NCALD: variants seen among roughly 807,000 people sequenced by gnomAD.
The protein encoded by NCALD is neurocalcin-delta.
NCALD carries 10 observed loss-of-function variants against 18.6 expected under a neutral mutation model. That is an observed-to-expected ratio of 0.54 (90% confidence interval 0.33 to 0.91). The LOEUF (loss-of-function observed/expected upper bound fraction) is 0.91, where lower values mean the gene tolerates loss of function less well. Among genes scored for constraint, NCALD ranks in the 40% least tolerant of loss-of-function variants. The probability of loss-of-function intolerance (pLI) is 0.03; values close to 1 mark genes in which losing one functional copy is unlikely to be tolerated. For synonymous variants in NCALD, 88 were observed against 87.4 expected, an observed-to-expected ratio of 1.01 and a Z score of -0.04; for missense variants, 184 against 247.6, an observed-to-expected ratio of 0.74 and a Z score of 1.72.
intron 1 of NCALD, among the ~76,000 whole-genome samples, chr8:101,760,632 C>G (rs1818345950): frequency 6.6e-6 from 1 of 152,214 alleles, no homozygotes; most frequent in Non-Finnish European, 1.5e-5. Flanking sequence ...CTGTTTCTGT[C>G]AAGTCCATAC....
At chr8:102,069,120 C>G (rs1419641227) in intron 1 of NCALD, among the ~76,000 whole-genome samples, 1 of 151,750 alleles carries the variant, frequency 6.6e-6, no homozygotes, top group Non-Finnish European at 1.5e-5. Context: ...GGATCGATTG[C>G]ACAGTATGGC....
intron 2 of NCALD, among the ~76,000 whole-genome samples, chr8:101,701,501 C>A (rs1815264977): frequency 2.6e-5 from 4 of 152,166 alleles, no homozygotes; most frequent in Admixed American, 2.6e-4. Flanking sequence ...AGACAGCTCC[C>A]CAGTGTGACC....
intron 4 of NCALD, among the ~76,000 whole-genome samples, chr8:101,799,727 A>G (rs992661424): frequency 6.6e-6 from 1 of 152,240 alleles, no homozygotes; most frequent in African/African-American, 2.4e-5. Flanking sequence ...TGACAAAATT[A>G]TCGAAATAAA....
At chr8:101,961,110 G>C (rs771190794) in intron 2 of NCALD, among the ~76,000 whole-genome samples, 1 of 152,048 alleles carries the variant, frequency 6.6e-6, no homozygotes, top group Non-Finnish European at 1.5e-5. Flanking sequence ...CTAGTACCTC[G>C]GACAGTGGCT....
At chr8:101,764,009 CACACA>C (rs1811236456) in intron 1 of NCALD, among the ~76,000 whole-genome samples, 2 of 78,912 alleles carry the variant, frequency 2.5e-5, no homozygotes, top group African/African-American at 9.5e-5. Context: ...CACACACACA[CACACA>C]CCCCCTATTG....
intron 1 of NCALD, among the ~76,000 whole-genome samples, chr8:101,769,598 C>T (rs939942304): frequency 6.6e-6 from 1 of 151,770 alleles, no homozygotes; most frequent in Non-Finnish European, 1.5e-5. Flanking sequence ...AGTAAATGCA[C>T]ATTTATTTTC....
chr8:101,957,688 T>C (rs1819687741), intron 2 of NCALD, among the ~76,000 whole-genome samples: 1 of 152,106 alleles, frequency 6.6e-6, no homozygotes, highest in African/African-American at 2.4e-5. Flanking sequence ...AGGAGTCCAA[T>C]GCTAAGGCCT....
chr8:101,861,718 G>T (rs890488200), intron 4 of NCALD, among the ~76,000 whole-genome samples: 2 of 152,104 alleles, frequency 1.3e-5, no homozygotes, highest in African/African-American at 4.8e-5. Flanking sequence ...GGTTTCTATT[G>T]TGTTCTCTCA....
intron 4 of NCALD, among the ~76,000 whole-genome samples, chr8:101,819,218 T>C (rs1813618975): frequency 6.6e-6 from 1 of 151,910 alleles, no homozygotes; most frequent in Non-Finnish European, 1.5e-5. Context: ...CCCACAGGCT[T>C]GTCAGCACTA....
At chr8:101,732,756 G>A (rs115942838) in intron 1 of NCALD, among the ~76,000 whole-genome samples, 5,067 of 151,716 alleles carry the variant, frequency 0.033, 265 homozygotes, top group East Asian at 0.11. Context: ...GGCATACGCC[G>A]CCACACCCGG....
chr8:102,075,874 C>T (rs1028118451), intron 1 of NCALD, among the ~76,000 whole-genome samples: 2 of 151,686 alleles, frequency 1.3e-5, no homozygotes, highest in Non-Finnish European at 2.9e-5. Context: ...ATTGCTTGAA[C>T]CAGGGAGGCA....
At chr8:101,901,283 A>T (rs1193747253) in intron 3 of NCALD, among the ~76,000 whole-genome samples, 1 of 150,876 alleles carries the variant, frequency 6.6e-6, no homozygotes, top group Non-Finnish European at 1.5e-5. Flanking sequence ...GGGGTTTTTT[A>T]AAAATCCATC....
At chr8:101,984,705 C>T (rs530449321) in intron 2 of NCALD, among the ~76,000 whole-genome samples, 9 of 152,242 alleles carry the variant, frequency 5.9e-5, no homozygotes, top group East Asian at 1.9e-4. Flanking sequence ...TTGAAGCAAG[C>T]GGAGTACAGC....
At chr8:102,013,701 T>G (rs1334386999) in intron 2 of NCALD, among the ~76,000 whole-genome samples, 1 of 152,190 alleles carries the variant, frequency 6.6e-6, no homozygotes, top group Non-Finnish European at 1.5e-5. Flanking sequence ...TGTTTTGACT[T>G]CATGTCTCTC....
chr8:101,791,960 C>T (rs143378525), upstream of NCALD, among the ~76,000 whole-genome samples: 11 of 152,258 alleles, frequency 7.2e-5, no homozygotes, highest in Admixed American at 3.9e-4. Context: ...ACTCTGCACA[C>T]GTGCCTATTT....
rs1405261016 is a variant in NCALD, at chr8:101,958,358, T to C, written c.-156-42500A>G. ...TGTTACCTTAATCTCATAATGCTTG[T>C]AGGAATTTACTCGTACAGCATAATT... is the stretch of plus-strand genomic sequence containing the variant. On this transcript the variant is annotated intron_variant, in intron 2 of 6. Transcript: ENST00000311028. 2.0e-5 allele frequency among the ~76,000 whole-genome samples: 3 copies of C among 152,014 alleles called. No individual in the cohort carries two copies. The East Asian group carries it at 5.8e-4, about 29-fold the overall frequency.
chr8:101,880,919 A>T (rs965665475), intron 4 of NCALD, among the ~76,000 whole-genome samples: 1 of 152,190 alleles, frequency 6.6e-6, no homozygotes, highest in Admixed American at 6.5e-5. Flanking sequence ...GATTGAAGCC[A>T]GTTACTAGAG....
At chr8:101,827,001 C>T (rs374752802) in intron 4 of NCALD, among the ~76,000 whole-genome samples, 11 of 152,180 alleles carry the variant, frequency 7.2e-5, no homozygotes, top group African/African-American at 2.4e-4. Context: ...TTACCATAAA[C>T]TTCCTGTCTG....
At chr8:101,915,551 C>T (rs775889044) in intron 3 of NCALD, 25 of 152,280 alleles carry the variant, frequency 1.6e-4, no homozygotes, top group Non-Finnish European at 2.9e-4. Context: ...TGAGTGGTTG[C>T]AAATATACTT....
Sources: allele counts gnomAD v4.1 joint callset (sites outside exome capture counted in the v4.1 genomes callset), GRCh38; gene constraint gnomAD v4.1.1; transcripts MANE v1.5; gene names NCBI Gene and HGNC (gene_info 2026-07-23, HGNC 2026-07-21).